The following SLAMF6 variants were observed in gnomAD, a reference collection of about 807,000 sequenced individuals.
SLAMF6 encodes NK-T-B-antigen.
A neutral mutation model predicts 38.3 loss-of-function variants in SLAMF6; 21 were observed. The ratio of observed to expected loss-of-function variants is 0.55; its 90% CI spans 0.39 to 0.79. The LOEUF is 0.79. Among genes scored for constraint, SLAMF6 ranks in the 30% least tolerant of loss-of-function variants. SLAMF6 has a pLI of 0.00. For synonymous variants in SLAMF6, 152 were observed against 146.3 expected, an observed-to-expected ratio of 1.04 and a Z score of -0.28; for missense variants, 341 against 385.3, an observed-to-expected ratio of 0.89 and a Z score of 0.96.
At position 160,493,885 on chromosome 1, in the gene SLAMF6, G is replaced by A. The variant is rs139082182; in HGVS notation, c.382+2176C>T. The stretch of plus-strand genomic sequence containing the variant: ...GAGAGAAAGGGCAAGGAAGTGCCAC[G>A]CTTAATACCATCAGCTTTCATGAGA... On this transcript the variant is annotated intron_variant, in intron 2 of 7. Coordinates refer to ENST00000368057, the MANE Select transcript of SLAMF6 (RefSeq NM_001184714.2). 6.6e-5 allele frequency among the ~76,000 whole-genome samples: 10 copies of A among 152,138 alleles called. No homozygotes were observed. The East Asian group carries it at 9.7e-4, about 15-fold the overall frequency.
chr1:160,518,764 C>A (rs1347981551), intron 1 of SLAMF6, among the ~76,000 whole-genome samples: 2 of 146,648 alleles, frequency 1.4e-5, no homozygotes, highest in African/African-American at 5.1e-5. Flanking sequence ...TGGGGCCTGT[C>A]GGGGGTGGGG....
chr1:160,519,294 C>T (rs994367481), intron 1 of SLAMF6, among the ~76,000 whole-genome samples: 2 of 152,052 alleles, frequency 1.3e-5, no homozygotes, highest in Admixed American at 1.3e-4. Flanking sequence ...TGATAATAAT[C>T]TTTTTAAAAA....
intron 1 of SLAMF6, among the ~76,000 whole-genome samples, chr1:160,518,247 C>T (rs1654832841): frequency 6.6e-6 from 1 of 151,892 alleles, no homozygotes; most frequent in Non-Finnish European, 1.5e-5. Context: ...ATTTAGAAGT[C>T]AAGAAAAAAC....
At chr1:160,499,918 C>G (rs1421251473) in intron 1 of SLAMF6, among the ~76,000 whole-genome samples, 4 of 152,178 alleles carry the variant, frequency 2.6e-5, no homozygotes, top group African/African-American at 9.7e-5. Flanking sequence ...TTCCTCTTTC[C>G]TCTGAATCAC....
At chr1:160,486,902 G>A (rs181732370) in intron 7 of SLAMF6, 148 bp from the exon 8 acceptor site, 2 of 1,028,780 alleles carry the variant, frequency 1.9e-6, no homozygotes, top group Non-Finnish European at 2.9e-6. Flanking sequence ...TTAAAAACAT[G>A]TAATTGAAAA....
At chr1:160,490,123 T>C in intron 5 of SLAMF6, 75 bp downstream of exon 5, 1 of 1,519,540 alleles carries the variant, frequency 6.6e-7, no homozygotes, top group Non-Finnish European at 9.1e-7. Flanking sequence ...TCCAGCCCTC[T>C]GCCATCCCCC....
chr1:160,493,936 G>T (rs900943984), intron 2 of SLAMF6, among the ~76,000 whole-genome samples: 2 of 151,946 alleles, frequency 1.3e-5, no homozygotes, highest in Non-Finnish European at 1.5e-5. Flanking sequence ...AACAGCATGG[G>T]GGAAACCTCC....
Position 160,490,223 on chromosome 1 carries a change from C to T in SLAMF6, c.771G>A (p.Leu257=), listed in dbSNP as rs1260555035. ...VLRKRRDSLS[L]STQRTQGPAE... is the part of the protein sequence containing the mutation. ...CGGGGCCCTGTGTTCGCTGAGTAGA[C>T]AAAGATAGGGAATCTGAAAAATAAA... Residue 257 remains leucine (L), a synonymous_variant, in exon 5 of 8, where the codon TTG becomes TTA. Coordinates refer to ENST00000368057, the MANE Select transcript of SLAMF6 (RefSeq NM_001184714.2). 1 of 1,613,654 alleles carries T rather than the reference C, an allele frequency of 6.2e-7. No individual in the cohort carries two copies. The highest frequency in any genetic ancestry group is 8.5e-7 in the Non-Finnish European group (1 of 1,179,802).
intron 1 of SLAMF6, among the ~76,000 whole-genome samples, chr1:160,513,586 G>GA (rs1352653567): frequency 2.0e-5 from 3 of 152,054 alleles, no homozygotes; most frequent in Non-Finnish European, 2.9e-5. Flanking sequence ...CAAAATGAAG[G>GA]AAAAAATGTT....
intron 1 of SLAMF6, among the ~76,000 whole-genome samples, chr1:160,498,387 A>T (rs781021827): frequency 5.9e-5 from 9 of 152,164 alleles, no homozygotes; most frequent in Non-Finnish European, 1.0e-4. Context: ...TAATTTATAA[A>T]GGAAAGATGT....
chr1:160,516,878 TA>T (rs1654769872), intron 1 of SLAMF6, among the ~76,000 whole-genome samples: 1 of 152,158 alleles, frequency 6.6e-6, no homozygotes, highest in Non-Finnish European at 1.5e-5. Flanking sequence ...ATTAAAGACT[TA>T]AATGTAAAAC....
intron 1 of SLAMF6, among the ~76,000 whole-genome samples, chr1:160,507,943 A>G (rs1021995570): frequency 2.4e-4 from 37 of 152,124 alleles, no homozygotes; most frequent in African/African-American, 8.9e-4. Context: ...TAGGAATCCA[A>G]CTTAAAAGGG....
intron 1 of SLAMF6, among the ~76,000 whole-genome samples, chr1:160,520,483 A>G (rs1654934059): frequency 6.6e-6 from 1 of 152,142 alleles, no homozygotes; most frequent in Non-Finnish European, 1.5e-5. Context: ...CTATTCCCCA[A>G]TCAGCATTTT....
chr1:160,495,570 C>G (rs1309123618), intron 2 of SLAMF6, among the ~76,000 whole-genome samples: 1 of 152,208 alleles, frequency 6.6e-6, no homozygotes, highest in African/African-American at 2.4e-5. Context: ...GTTCTGTACA[C>G]TGACCACTCT....
chr1:160,496,779 C>G (rs1029983639), intron 1 of SLAMF6, among the ~76,000 whole-genome samples: 11 of 152,142 alleles, frequency 7.2e-5, no homozygotes, highest in African/African-American at 2.4e-4. Flanking sequence ...GCTAATAAAG[C>G]ATAATTAAAG....
chr1:160,505,921 A>G (rs1473331232), intron 1 of SLAMF6, among the ~76,000 whole-genome samples: 1 of 152,158 alleles, frequency 6.6e-6, no homozygotes, highest in Non-Finnish European at 1.5e-5. Flanking sequence ...AGAAGTAAGA[A>G]ATAGCTAATT....
chr1:160,518,517 A>T (rs1460278222), intron 1 of SLAMF6, among the ~76,000 whole-genome samples: 1 of 152,210 alleles, frequency 6.6e-6, no homozygotes, highest in Non-Finnish European at 1.5e-5. Flanking sequence ...ACATGAAATC[A>T]ACCCAAATGC....
chr1:160,489,945 C>T (rs1653190473), intron 5 of SLAMF6, among the ~76,000 whole-genome samples: 2 of 152,128 alleles, frequency 1.3e-5, no homozygotes, highest in Admixed American at 1.3e-4. Flanking sequence ...GACTTAGTTT[C>T]TCCATCAGCA....
intron 4 of SLAMF6, 66 bp from the exon 5 acceptor site, chr1:160,490,302 C>A: frequency 2.5e-6 from 4 of 1,609,698 alleles, no homozygotes; most frequent in Non-Finnish European, 3.4e-6. Flanking sequence ...ACCCCTAACC[C>A]CGTGAGTGTT....
Sources: gnomAD v4.1 joint callset for allele counts (sites outside exome capture counted in the v4.1 genomes callset) on GRCh38, gnomAD v4.1.1 for gene constraint, MANE v1.5 for transcripts, NCBI Gene and HGNC (gene_info 2026-07-23, HGNC 2026-07-21) for gene names.